The following C8orf76 variants were observed in gnomAD, a reference collection of about 807,000 sequenced individuals.
C8orf76 encodes the protein uncharacterized protein C8orf76.
A neutral mutation model predicts 38.1 loss-of-function variants in C8orf76; 46 were observed. The ratio of observed to expected loss-of-function variants is 1.21; its 90% CI spans 0.95 to 1.54. The LOEUF is 1.54. Among genes scored for constraint, C8orf76 ranks in the 40% most tolerant of loss-of-function variants. C8orf76 has a pLI of 0.00. For missense variants in C8orf76, 461 were observed against 441.6 expected, an observed-to-expected ratio of 1.04 and a Z score of -0.39; for synonymous variants, 166 against 167.5, an observed-to-expected ratio of 0.99 and a Z score of 0.07.
At chr8:123,227,233 C>T (rs1333667923) in intron 4 of C8orf76, among the ~76,000 whole-genome samples, 2 of 151,902 alleles carry the variant, frequency 1.3e-5, no homozygotes, top group Non-Finnish European at 2.9e-5. Context: ...ATTTAACTTC[C>T]TCCTGTCTTC....
At chr8:123,240,404 G>A (rs1163711390) in intron 1 of C8orf76, among the ~76,000 whole-genome samples, 4 of 152,210 alleles carry the variant, frequency 2.6e-5, no homozygotes, top group African/African-American at 9.6e-5. Flanking sequence ...CAGTACAATT[G>A]TGAGGAACGA....
intron 4 of C8orf76, among the ~76,000 whole-genome samples, chr8:123,228,156 G>A (rs1205028573): frequency 9.2e-5 from 14 of 152,170 alleles, no homozygotes; most frequent in East Asian, 7.7e-4. Context: ...CACACACTCC[G>A]CTGGTCACCA....
intron 3 of C8orf76, 114 bp from the exon 4 acceptor site, chr8:123,231,871 T>C (rs1269381064): frequency 1.7e-6 from 2 of 1,143,930 alleles, no homozygotes; most frequent in Non-Finnish European, 2.4e-6. Context: ...TATCTTTCAG[T>C]AGCTATACGA....
In C8orf76 at chr8:123,241,131, T is replaced by C. The variant is rs957937592; in HGVS notation, c.117+99A>G. 24 of 1,247,956 alleles carry C rather than the reference T, an allele frequency of 1.9e-5. No homozygotes were observed. In the African/African-American group the frequency reaches 3.9e-4, roughly 20 times the overall value. The allele number at this position is 1,247,956 out of a possible 1,614,324, so 77.3% of individuals were successfully genotyped here. ...GGCGGGCGCTGGAGCCTGCCAGGGT[T>C]TGCGTTCGCGCGGACGGAGGGGCCG... On this transcript the variant is annotated intron_variant, in intron 1 of 5. Coordinates refer to ENST00000276704, the MANE Select transcript of C8orf76 (RefSeq NM_032847.3).
chr8:123,239,480 G>T (rs1192481251), intron 1 of C8orf76: 1 of 177,264 alleles, frequency 5.6e-6, no homozygotes, highest in Non-Finnish European at 1.2e-5. Flanking sequence ...TATAGATATG[G>T]TGCTATTATG....
At chr8:123,230,115 T>C (rs543406257) in intron 4 of C8orf76, among the ~76,000 whole-genome samples, 64 of 152,298 alleles carry the variant, frequency 4.2e-4, no homozygotes, top group Non-Finnish European at 6.9e-4. Flanking sequence ...AGTTAAAAAA[T>C]CTGTATATTC....
intron 3 of C8orf76, among the ~76,000 whole-genome samples, chr8:123,232,900 A>G (rs1319559832): frequency 1.3e-5 from 2 of 152,264 alleles, no homozygotes; most frequent in Non-Finnish European, 2.9e-5. Context: ...ATCACGTTTG[A>G]GTAATGACTT....
intron 1 of C8orf76, 64 bp from the exon 2 acceptor site, chr8:123,239,208 C>A: frequency 6.6e-7 from 1 of 1,521,100 alleles, no homozygotes; most frequent in Non-Finnish European, 9.1e-7. Flanking sequence ...TATTCAGAAG[C>A]AATTTCCCAT....
At chr8:123,227,875 C>T (rs1036028913) in intron 4 of C8orf76, among the ~76,000 whole-genome samples, 1 of 152,168 alleles carries the variant, frequency 6.6e-6, no homozygotes, top group Non-Finnish European at 1.5e-5. Flanking sequence ...GATCATCTGT[C>T]TGCTTCAGTC....
intron 3 of C8orf76, chr8:123,236,866 G>C: frequency 2.5e-6 from 2 of 811,958 alleles, no homozygotes; most frequent in South Asian, 2.7e-5. Flanking sequence ...AGATCTTTGT[G>C]AAGACCCTCA....
chr8:123,239,865 G>T (rs1327664456), intron 1 of C8orf76: 1 of 151,678 alleles, frequency 6.6e-6, no homozygotes, highest in East Asian at 1.9e-4. Context: ...GGTGGCACAC[G>T]TCTGTAATCC....
intron 5 of C8orf76, among the ~76,000 whole-genome samples, chr8:123,224,097 CA>C (rs1824959884): frequency 6.6e-6 from 1 of 151,398 alleles, no homozygotes; most frequent in South Asian, 2.1e-4. Flanking sequence ...ATTAAGATGG[CA>C]AATTTAAGTT....
In C8orf76 at chr8:123,221,876, T is replaced by A. The variant is rs192291104; in HGVS notation, c.949-1579A>T. Among the ~76,000 whole-genome samples, 540 of 152,320 alleles carry A rather than the reference T, an allele frequency of 3.5e-3. 4 individuals carry two copies. Among genetic ancestry groups the A allele is most frequent in the Non-Finnish European group, 5.3e-3 (362 of 68,030 alleles). ...GTGAGCTATGACTGTGCCACTGCAC[T>A]TCAGCCTGGGAGATAGAGTGAGACC... is the stretch of plus-strand genomic sequence containing the variant. On this transcript the variant is annotated intron_variant, in intron 5 of 5. Transcript: ENST00000276704.
At chr8:123,221,461 A>T (rs1371816908) in intron 5 of C8orf76, among the ~76,000 whole-genome samples, 1 of 152,172 alleles carries the variant, frequency 6.6e-6, no homozygotes, top group Non-Finnish European at 1.5e-5. Context: ...TTTGAGTCAG[A>T]GTCTCGCTCT....
Position 123,231,613 on chromosome 8 carries a change from C to T in C8orf76, c.502G>A (p.Gly168Ser). Residue 168 changes from glycine (G) to serine (S), a missense_variant, in exon 4 of 6, where the codon GGC becomes AGC. By Grantham distance (56) the Gly-to-Ser change is moderately conservative (BLOSUM62 0). Coordinates refer to ENST00000276704, the MANE Select transcript of C8orf76 (RefSeq NM_032847.3). ...SLHPFNPWNW[G>S]KLAEAYLNLG... is the part of the protein sequence containing the mutation. ...TTCAGGTAAGCCTCTGCCAATTTGC[C>T]CCAGTTCCAAGGATTAAAAGGATGC... is the stretch of plus-strand genomic sequence containing the variant. 2 of 1,614,146 alleles carry T rather than the reference C, an allele frequency of 1.2e-6. No homozygotes were observed. Among genetic ancestry groups the T allele is most frequent in the Non-Finnish European group, 1.7e-6 (2 of 1,180,018 alleles).
intron 3 of C8orf76, among the ~76,000 whole-genome samples, chr8:123,233,477 C>T (rs551127507): frequency 7.0e-4 from 106 of 152,156 alleles, no homozygotes; most frequent in Non-Finnish European, 1.3e-3. Context: ...TCACTGCAAT[C>T]TCCACCTCCC....
chr8:123,230,508 G>A (rs910503775), intron 4 of C8orf76, among the ~76,000 whole-genome samples: 1 of 151,982 alleles, frequency 6.6e-6, no homozygotes, highest in Non-Finnish European at 1.5e-5. Context: ...TTTTGTTTCT[G>A]AGAGTTTCAT....
chr8:123,226,499 C>A lies in C8orf76; in HGVS notation c.948+1G>T, dbSNP rs1197174409. 6.2e-7 allele frequency: 1 copy of A among 1,611,620 alleles called. No individual in the cohort carries two copies. ...CACATAAACCCGAGGGATACACTCA[C>A]CTCAGCTATCAACAGCAAAGTGTCT... is the stretch of plus-strand genomic sequence containing the variant. On this transcript the variant is annotated splice_donor_variant, in intron 5 of 5. Transcript: ENST00000276704. LOFTEE classifies it high-confidence loss of function.
At chr8:123,239,557 C>G (rs974311928) in intron 1 of C8orf76, 1 of 160,396 alleles carries the variant, frequency 6.2e-6, no homozygotes, top group African/African-American at 2.4e-5. Context: ...TAGAAGGAGG[C>G]TCCAATGCAA....
Sources: allele counts gnomAD v4.1 joint callset (sites outside exome capture counted in the v4.1 genomes callset), GRCh38; gene constraint gnomAD v4.1.1; transcripts MANE v1.5; gene names NCBI Gene and HGNC (gene_info 2026-07-23, HGNC 2026-07-21).